Variants in GSR observed in about 807,000 individuals in gnomAD.
GSR encodes the protein glutathione reductase, mitochondrial.
In GSR, 48 loss-of-function variants were observed where a neutral mutation model predicts 56.5. That is an observed-to-expected ratio of 0.85 (90% confidence interval 0.67 to 1.08). The LOEUF is 1.08. Among genes scored for constraint, GSR ranks in the 50% least tolerant of loss-of-function variants. The pLI, the probability that GSR is intolerant of heterozygous loss-of-function variation, is 0.00. For missense variants in GSR, 694 were observed against 703.3 expected, an observed-to-expected ratio of 0.99 and a Z score of 0.15; for synonymous variants, 264 against 270.8, an observed-to-expected ratio of 0.97 and a Z score of 0.25.
chr8:30,692,028 A>C (rs1258756892), intron 8 of GSR, among the ~76,000 whole-genome samples: 1 of 151,510 alleles, frequency 6.6e-6, no homozygotes, highest in African/African-American at 2.4e-5. Flanking sequence ...GCTTGAGCCC[A>C]GGAGGTTGAG....
intron 1 of GSR, among the ~76,000 whole-genome samples, chr8:30,720,671 G>GAAAAAAAAAA (rs3077101): frequency 4.7e-5 from 7 of 148,578 alleles, no homozygotes; most frequent in Non-Finnish European, 4.5e-5. Flanking sequence ...GAGAAAAAGA[G>GAAAAAAAAAA]AAAAAAAAAA....
intron 1 of GSR, among the ~76,000 whole-genome samples, chr8:30,712,923 A>G (rs1016539893): frequency 1.3e-5 from 2 of 152,242 alleles, no homozygotes; most frequent in East Asian, 1.9e-4. Flanking sequence ...AAATGCACAG[A>G]TTATCATGTT....
At chr8:30,708,636 C>G (rs1803997301) in intron 3 of GSR, among the ~76,000 whole-genome samples, 1 of 152,102 alleles carries the variant, frequency 6.6e-6, no homozygotes, top group African/African-American at 2.4e-5. Flanking sequence ...TACGAATGTT[C>G]ATAGCAGCAT....
At chr8:30,719,104 ATTTTT>A in intron 1 of GSR, among the ~76,000 whole-genome samples, 1 of 73,662 alleles carries the variant, frequency 1.4e-5, no homozygotes, top group Admixed American at 1.6e-4. Flanking sequence ...TAATTTTTAA[ATTTTT>A]TTTTTTTTTT....
intron 4 of GSR, among the ~76,000 whole-genome samples, chr8:30,706,748 T>G (rs1402877111): frequency 6.6e-6 from 1 of 152,148 alleles, no homozygotes; most frequent in Non-Finnish European, 1.5e-5. Context: ...CAAACACACC[T>G]CTGCCCAGTT....
chr8:30,705,411 C>T (rs1339332526), intron 4 of GSR, among the ~76,000 whole-genome samples: 1 of 152,054 alleles, frequency 6.6e-6, no homozygotes, highest in African/African-American at 2.4e-5. Flanking sequence ...TACAGGCGCC[C>T]GCCACCACAC....
Position 30,681,018 on chromosome 8 carries a change from A to T in GSR, c.1305T>A (p.Tyr435Ter), listed in dbSNP as rs1362598873. 3.7e-6 allele frequency: 6 copies of T among 1,609,274 alleles called. 1 individual carries two copies. The highest frequency in any genetic ancestry group is 5.1e-6 in the Non-Finnish European group (6 of 1,175,912). ...AATAGGTCTTCACATTTTCTATTCCATATTTATGAATGGCTTCATCTACAA... is the reference window on the plus strand; with the variant it reads ...AATAGGTCTTCACATTTTCTATTCCTTATTTATGAATGGCTTCATCTACAA... ...GLTEDEAIHK[Y>*]GIENVKTYST... is the part of the protein sequence containing the mutation. Residue 435 changes from tyrosine (Y) to a stop codon, truncating the protein, a stop_gained, in exon 12 of 13, where the codon TAT (tyrosine) becomes TAA (stop). Transcript: ENST00000221130. LOFTEE classifies it high-confidence loss of function.
At chr8:30,693,160 T>C in intron 7 of GSR, 105 bp from the exon 8 acceptor site, 1 of 744,006 alleles carries the variant, frequency 1.3e-6, no homozygotes, top group East Asian at 2.6e-5. Flanking sequence ...CCCCTAATTA[T>C]TTCCTCCTTA....
chr8:30,689,533 C>G (rs1803289084), intron 8 of GSR, among the ~76,000 whole-genome samples: 1 of 152,110 alleles, frequency 6.6e-6, no homozygotes, highest in Non-Finnish European at 1.5e-5. Context: ...CCAAATCTTC[C>G]AGTCAGTGGC....
At chr8:30,725,686 A>G (rs531096798) in intron 1 of GSR, among the ~76,000 whole-genome samples, 316 of 152,226 alleles carry the variant, frequency 2.1e-3, no homozygotes, top group African/African-American at 7.4e-3. Context: ...GTTTGAGACC[A>G]GCCTGGCCAA....
intron 5 of GSR, among the ~76,000 whole-genome samples, chr8:30,701,665 T>C (rs192546772): frequency 1.3e-5 from 2 of 151,198 alleles, no homozygotes; most frequent in Non-Finnish European, 1.5e-5. Context: ...TGGTGGTATG[T>C]GCCTGTAGTA....
intron 9 of GSR, among the ~76,000 whole-genome samples, chr8:30,688,730 G>A (rs1803250816): frequency 1.3e-5 from 2 of 151,804 alleles, no homozygotes; most frequent in South Asian, 2.1e-4. Flanking sequence ...ACCAGCCTGG[G>A]CAACATGGTG....
chr8:30,706,451 C>A (rs189080967), intron 4 of GSR, among the ~76,000 whole-genome samples: 1 of 151,754 alleles, frequency 6.6e-6, no homozygotes, highest in African/African-American at 2.4e-5. Flanking sequence ...CGCAGTGAGC[C>A]GAGATCACAT....
Position 30,727,710 on chromosome 8 carries a change from A to G in GSR, c.126T>C (p.Arg42=). ...EPAALTRALS[R]AMACRQEPQP... is the part of the protein sequence containing the mutation. Reference sequence around the variant, plus strand: ...GCGGCTCCTGCCTGCAGGCCATGGCACGGGAGAGGGCGCGCGTGAGGGCCG... The same window carrying G: ...GCGGCTCCTGCCTGCAGGCCATGGCGCGGGAGAGGGCGCGCGTGAGGGCCG... Residue 42 remains arginine (R), a synonymous_variant, in exon 1 of 13, where the codon CGT becomes CGC. Coordinates refer to ENST00000221130, the MANE Select transcript of GSR (RefSeq NM_000637.5). 2.1e-6 allele frequency: 3 copies of G among 1,424,356 alleles called. No individual in the cohort carries two copies. Among genetic ancestry groups the G allele is most frequent in the Non-Finnish European group, 2.7e-6 (3 of 1,096,618 alleles). 88.2% of individuals were successfully genotyped at this position (1,424,356 alleles called of 1,614,324 possible).
rs536123568 is a variant in GSR at position 30,697,712 on chromosome 8, C to T, written c.696-1233G>A. On this transcript the variant is annotated intron_variant, in intron 6 of 12. Coordinates refer to ENST00000221130, the MANE Select transcript of GSR (RefSeq NM_000637.5). ...TTTTTAAAGCTCTTTAGCCTCATTT[C>T]TTCAGAGAGGAAAAAACTCTGTGCA... Among the ~76,000 whole-genome samples, 3 of 152,280 alleles carry T rather than the reference C, an allele frequency of 2.0e-5. No homozygotes were observed. The East Asian group carries it at 5.8e-4, about 29-fold the overall frequency.
At chr8:30,700,614 C>T (rs980619724) in intron 5 of GSR, among the ~76,000 whole-genome samples, 10 of 150,674 alleles carry the variant, frequency 6.6e-5, no homozygotes, top group African/African-American at 2.2e-4. Context: ...GTCCCAGCTA[C>T]TTGGGAGGCT....
intron 7 of GSR, among the ~76,000 whole-genome samples, chr8:30,693,534 T>C (rs575857820): frequency 1.4e-5 from 2 of 140,452 alleles, no homozygotes; most frequent in East Asian, 3.9e-4. Context: ...AGTTCTTTTA[T>C]TTTTATTTTT....
chr8:30,720,014 G>A (rs1166879394), intron 1 of GSR, among the ~76,000 whole-genome samples: 3 of 151,990 alleles, frequency 2.0e-5, no homozygotes, highest in Non-Finnish European at 2.9e-5. Flanking sequence ...GTTAGAGACC[G>A]GCCTGAGAAA....
At chr8:30,703,271 C>T (rs1803810381) in intron 4 of GSR, 31 bp from the exon 5 acceptor site, 2 of 1,603,154 alleles carry the variant, frequency 1.2e-6, no homozygotes, top group Non-Finnish European at 1.7e-6. Flanking sequence ...TTAGCCTGTT[C>T]TTAGAATAAA....
Sources: allele counts gnomAD v4.1 joint callset (sites outside exome capture counted in the v4.1 genomes callset), GRCh38; gene constraint gnomAD v4.1.1; transcripts MANE v1.5; gene names NCBI Gene and HGNC (gene_info 2026-07-23, HGNC 2026-07-21).